Variants in DSCAML1 observed in about 807,000 individuals in gnomAD.
DSCAML1 encodes cell adhesion molecule DSCAML1.
A neutral mutation model predicts 200.5 loss-of-function variants in DSCAML1; 38 were observed. The observed-to-expected ratio is 0.19, with a 90% confidence interval of 0.15 to 0.25. The LOEUF is 0.25. DSCAML1 is among the 10% of genes least tolerant of loss of function. DSCAML1 has a pLI of 1.00. For synonymous variants in DSCAML1, 1,215 were observed against 1,165.0 expected, an observed-to-expected ratio of 1.04 and a Z score of -0.87; for missense variants, 2,223 against 2,858.8, an observed-to-expected ratio of 0.78 and a Z score of 5.07.
chr11:117,518,336 GGA>G lies in DSCAML1; in HGVS notation c.1510+128_1510+129del. On this transcript the variant is annotated intron_variant, in intron 7 of 32. Transcript: ENST00000651296. The surrounding 1 kb of genome is among the most constrained non-coding windows in gnomAD (Gnocchi z 6.3). ...GGGCAGGAAAAGGGGACGAGAGAGG[GGA>G]GAGAGACCTCTACTAAAATCAAAAT... 7.9e-7 allele frequency: 1 copy of G among 1,268,286 alleles called. No individual in the cohort carries two copies. Among genetic ancestry groups the G allele is most frequent in the Non-Finnish European group, 1.1e-6 (1 of 892,970 alleles). The allele number at this position is 1,268,286 out of a possible 1,614,324, so 78.6% of individuals were successfully genotyped here.
rs150624730 is a variant in DSCAML1 at position 117,591,234 on chromosome 11, C to T, written c.512-58712G>A. ...GGGGGGTAATATGGGGTCTCTGGGG[C>T]GAGGAGCAGGTTCCAACACCCCCAT... is the stretch of plus-strand genomic sequence containing the variant. On this transcript the variant is annotated intron_variant, in intron 3 of 32. Coordinates refer to ENST00000651296, the MANE Select transcript of DSCAML1 (RefSeq NM_020693.4). Among the ~76,000 whole-genome samples the T allele has an allele frequency of 7.9e-5, 12 of 152,128 alleles. No individual in the cohort carries two copies. In the East Asian group the frequency reaches 1.2e-3, roughly 15 times the overall value.
intron 3 of DSCAML1, among the ~76,000 whole-genome samples, chr11:117,691,639 C>G (rs1423790947): frequency 6.6e-6 from 1 of 152,178 alleles, no homozygotes; most frequent in Non-Finnish European, 1.5e-5. Flanking sequence ...GATTCGTTCC[C>G]TGCTCGGCGT....
chr11:117,433,270 G>C lies in DSCAML1; in HGVS notation c.4908-14C>G. 1 of 1,601,584 alleles carries C rather than the reference G, an allele frequency of 6.2e-7. No individual in the cohort carries two copies. The highest frequency in any genetic ancestry group is 8.5e-7 in the Non-Finnish European group (1 of 1,172,890). On this transcript the variant is annotated splice_polypyrimidine_tract_variant and intron_variant, in intron 28 of 32. Transcript: ENST00000651296. Reference sequence around the variant, plus strand: ...CTATTGTTCTTGCTGTGGGGAGAAAGACTGGAGGTGGTGGCTCAGCAGCCA... The same window carrying C: ...CTATTGTTCTTGCTGTGGGGAGAAACACTGGAGGTGGTGGCTCAGCAGCCA...
intron 14 of DSCAML1, among the ~76,000 whole-genome samples, chr11:117,479,480 G>A (rs973314563): frequency 1.3e-5 from 2 of 152,222 alleles, no homozygotes; most frequent in African/African-American, 4.8e-5. Flanking sequence ...CCACCCAGGT[G>A]CACTCTGTTC....
intron 26 of DSCAML1, among the ~76,000 whole-genome samples, chr11:117,436,785 C>T (rs989529047): frequency 1.3e-5 from 2 of 152,184 alleles, no homozygotes; most frequent in African/African-American, 4.8e-5. Context: ...TCTTAGAGGT[C>T]AGGACCTCAA....
chr11:117,537,759 G>A (rs2050195793), intron 3 of DSCAML1, among the ~76,000 whole-genome samples: 1 of 152,208 alleles, frequency 6.6e-6, no homozygotes, highest in African/African-American at 2.4e-5. Context: ...CGGAAGCAGA[G>A]GCAGGAGGAT....
chr11:117,555,616 A>G (rs2050546140), intron 3 of DSCAML1, among the ~76,000 whole-genome samples: 1 of 152,140 alleles, frequency 6.6e-6, no homozygotes, highest in African/African-American at 2.4e-5. Flanking sequence ...TTAAGGCAGG[A>G]AAGGGCAGGG....
intron 4 of DSCAML1, among the ~76,000 whole-genome samples, chr11:117,529,394 A>G (rs887593606): frequency 6.6e-6 from 1 of 152,072 alleles, no homozygotes; most frequent in African/African-American, 2.4e-5. Flanking sequence ...AATAGGAGAT[A>G]TTCTGTTTCA....
chr11:117,658,767 C>T (rs1349332689), intron 3 of DSCAML1, among the ~76,000 whole-genome samples: 3 of 152,168 alleles, frequency 2.0e-5, no homozygotes, highest in Non-Finnish European at 2.9e-5. Context: ...AAAAACTTAG[C>T]CATGAACTAA....
At chr11:117,590,041 A>C (rs1257833950) in intron 3 of DSCAML1, among the ~76,000 whole-genome samples, 1 of 152,166 alleles carries the variant, frequency 6.6e-6, no homozygotes, top group Non-Finnish European at 1.5e-5. Flanking sequence ...TCCAAATACT[A>C]TCTGCATTGT....
chr11:117,549,341 T>C (rs972544253), intron 3 of DSCAML1, among the ~76,000 whole-genome samples: 10 of 152,218 alleles, frequency 6.6e-5, no homozygotes, highest in African/African-American at 2.4e-4. Context: ...TCAGTTTCAG[T>C]TACAACACCT....
At chr11:117,811,209 T>TA (rs1209756219) in intron 1 of DSCAML1, among the ~76,000 whole-genome samples, 16 of 152,198 alleles carry the variant, frequency 1.1e-4, no homozygotes, top group African/African-American at 3.4e-4. Context: ...TCATCAAATA[T>TA]AAAACCCCAG....
At chr11:117,537,320 G>A (rs2050188927) in intron 3 of DSCAML1, among the ~76,000 whole-genome samples, 1 of 152,196 alleles carries the variant, frequency 6.6e-6, no homozygotes, top group African/African-American at 2.4e-5. Flanking sequence ...CTGCCCTCTG[G>A]GATCCCACAG....
intron 24 of DSCAML1, among the ~76,000 whole-genome samples, chr11:117,438,523 T>G (rs1481540310): frequency 6.6e-6 from 1 of 151,808 alleles, no homozygotes; most frequent in East Asian, 1.9e-4. Context: ...GAGCGCTGAG[T>G]CAGAACTGCA....
intron 3 of DSCAML1, among the ~76,000 whole-genome samples, chr11:117,637,813 T>A (rs2052323356): frequency 6.6e-6 from 1 of 152,250 alleles, no homozygotes. Flanking sequence ...CAAAAGCCAA[T>A]GCACTGTGAT....
intron 3 of DSCAML1, among the ~76,000 whole-genome samples, chr11:117,549,131 C>T (rs958462942): frequency 6.6e-6 from 1 of 152,176 alleles, no homozygotes; most frequent in African/African-American, 2.4e-5. Context: ...TCCCCATCAC[C>T]ACCTTCCCAC....
chr11:117,585,788 G>C (rs2051129862), intron 3 of DSCAML1, among the ~76,000 whole-genome samples: 1 of 152,170 alleles, frequency 6.6e-6, no homozygotes, highest in Non-Finnish European at 1.5e-5. Context: ...CAGGGCCAGG[G>C]ACCCACTCAC....
chr11:117,536,410 G>T (rs1408680371), intron 3 of DSCAML1, among the ~76,000 whole-genome samples: 1 of 152,234 alleles, frequency 6.6e-6, no homozygotes, highest in Non-Finnish European at 1.5e-5. Context: ...GAGAAGAGTA[G>T]CTGGCCCACG....
At chr11:117,727,257 A>G (rs975189579) in intron 3 of DSCAML1, among the ~76,000 whole-genome samples, 4 of 152,198 alleles carry the variant, frequency 2.6e-5, no homozygotes, top group African/African-American at 9.6e-5. Context: ...AGGTCTAACC[A>G]ACAAGACCAT....
Sources: gnomAD v4.1 joint callset for allele counts (sites outside exome capture counted in the v4.1 genomes callset) on GRCh38, gnomAD v4.1.1 for gene constraint, Gnocchi (gnomAD v3.1) non-coding constraint, MANE v1.5 for transcripts, NCBI Gene and HGNC (gene_info 2026-07-23, HGNC 2026-07-21) for gene names.